The following LGR6 variants were observed in gnomAD, a reference collection of about 807,000 sequenced individuals.
LGR6 encodes leucine-rich repeat-containing G protein-coupled receptor 6.
In LGR6, 45 loss-of-function variants were observed where a neutral mutation model predicts 69.4. The observed-to-expected ratio is 0.65, with a 90% CI of 0.51 to 0.83. LGR6 has a LOEUF of 0.83. Ranked by LOEUF, LGR6 falls within the 40% of genes least tolerant of loss-of-function variation. The pLI, the probability that LGR6 is intolerant of heterozygous loss-of-function variation, is 0.00. For synonymous variants in LGR6, 538 were observed against 555.0 expected, an observed-to-expected ratio of 0.97 and a Z score of 0.43; for missense variants, 1,108 against 1,246.7, an observed-to-expected ratio of 0.89 and a Z score of 1.68.
chr1:202,291,210 T>C (rs1243301844), intron 6 of LGR6, among the ~76,000 whole-genome samples: 1 of 152,232 alleles, frequency 6.6e-6, no homozygotes, highest in East Asian at 1.9e-4. Flanking sequence ...AAGTGGTTTC[T>C]CTTTAACTTC....
chr1:202,277,516 T>G (rs1190285760), intron 5 of LGR6, among the ~76,000 whole-genome samples: 1 of 152,010 alleles, frequency 6.6e-6, no homozygotes, highest in Non-Finnish European at 1.5e-5. Context: ...CTAACTTTGG[T>G]GACATCCCCG....
chr1:202,289,588 C>G (rs1467608787), intron 6 of LGR6, among the ~76,000 whole-genome samples: 3 of 152,184 alleles, frequency 2.0e-5, no homozygotes, highest in Non-Finnish European at 4.4e-5. Context: ...TCAATGGAAG[C>G]TAATGACAGC....
chr1:202,211,798 G>A (rs1232551091), intron 1 of LGR6, among the ~76,000 whole-genome samples: 1 of 152,182 alleles, frequency 6.6e-6, no homozygotes, highest in Non-Finnish European at 1.5e-5. Context: ...AACATCATCA[G>A]CTTTCCAGAA....
At chr1:202,276,110 A>G (rs929756715) in intron 4 of LGR6, among the ~76,000 whole-genome samples, 196 bp from the exon 5 acceptor site, 3 of 152,226 alleles carry the variant, frequency 2.0e-5, no homozygotes, top group African/African-American at 7.2e-5. Flanking sequence ...ACAACAAAAA[A>G]AGAACTATGG....
intron 6 of LGR6, 120 bp downstream of exon 6, chr1:202,280,972 C>G (rs573323143): frequency 4.7e-6 from 4 of 856,742 alleles, no homozygotes; most frequent in Non-Finnish European, 7.2e-6. Flanking sequence ...GGTCTGGCCC[C>G]GGGCTTGTTT....
At chr1:202,219,834 A>T (rs186807362) in intron 1 of LGR6, among the ~76,000 whole-genome samples, 4 of 152,328 alleles carry the variant, frequency 2.6e-5, no homozygotes, top group Admixed American at 2.6e-4. Context: ...GAATATTAAT[A>T]ATAAGGCATA....
intron 4 of LGR6, among the ~76,000 whole-genome samples, chr1:202,245,660 A>AC (rs2077984685): frequency 6.6e-6 from 1 of 152,016 alleles, no homozygotes; most frequent in South Asian, 2.1e-4. Context: ...AGGCAAGAGT[A>AC]CCCCGGGTGT....
chr1:202,272,876 G>GCCTCCTAGCA (rs1665220648), intron 4 of LGR6, among the ~76,000 whole-genome samples: 1 of 152,202 alleles, frequency 6.6e-6, no homozygotes, highest in Non-Finnish European at 1.5e-5. Context: ...CTTCCTGCCT[G>GCCTCCTAGCA]CCTCCTAGCA....
At chr1:202,207,106 C>T (rs967826165) in intron 1 of LGR6, among the ~76,000 whole-genome samples, 26 of 151,950 alleles carry the variant, frequency 1.7e-4, no homozygotes, top group African/African-American at 5.1e-4. Flanking sequence ...TTAGTAGAGA[C>T]GGGTTTTCGC....
chr1:202,311,236 A>G (rs1653696380), intron 16 of LGR6, among the ~76,000 whole-genome samples: 1 of 152,230 alleles, frequency 6.6e-6, no homozygotes, highest in Non-Finnish European at 1.5e-5. Flanking sequence ...AAATATAAAC[A>G]TGTAAGAAAA....
At chr1:202,291,259 G>C (rs1666771392) in intron 6 of LGR6, among the ~76,000 whole-genome samples, 1 of 152,164 alleles carries the variant, frequency 6.6e-6, no homozygotes, top group South Asian at 2.1e-4. Context: ...GGGAGCAGGA[G>C]ACAGAACAAT....
At chr1:202,297,450 G>C in intron 6 of LGR6, 58 bp from the exon 7 acceptor site, 3 of 1,411,810 alleles carry the variant, frequency 2.1e-6, no homozygotes, top group Non-Finnish European at 2.9e-6. Flanking sequence ...ATTTCTCAGG[G>C]ACCCTGACAT....
At chr1:202,197,497 G>A (rs1384054300) in intron 1 of LGR6, 3 of 532,174 alleles carry the variant, frequency 5.6e-6, no homozygotes, top group East Asian at 1.1e-4. Context: ...ATTCTCCCTG[G>A]TTAGGGCCTG....
chr1:202,269,130 T>C (rs1179410655), intron 4 of LGR6, among the ~76,000 whole-genome samples: 1 of 152,108 alleles, frequency 6.6e-6, no homozygotes, highest in Non-Finnish European at 1.5e-5. Context: ...GGTCTCAAAC[T>C]CCTGAGCTCA....
intron 4 of LGR6, among the ~76,000 whole-genome samples, chr1:202,252,391 G>C (rs561921815): frequency 1.3e-5 from 2 of 152,286 alleles, no homozygotes; most frequent in Admixed American, 6.5e-5. Flanking sequence ...GGCCTGCTGG[G>C]GAACACTAAA....
chr1:202,252,031 GT>G (rs1484348536), intron 4 of LGR6, among the ~76,000 whole-genome samples: 4 of 151,974 alleles, frequency 2.6e-5, no homozygotes, highest in Middle Eastern at 3.4e-3. Context: ...GGTGAAGGGG[GT>G]GCCCAGGGCT....
intron 4 of LGR6, among the ~76,000 whole-genome samples, chr1:202,238,282 G>C (rs951900953): frequency 6.6e-6 from 1 of 151,820 alleles, no homozygotes; most frequent in African/African-American, 2.4e-5. Flanking sequence ...TTTTTGTAGA[G>C]ATGGGGTTTT....
At chr1:202,271,426 A>G (rs970119891) in intron 4 of LGR6, among the ~76,000 whole-genome samples, 2 of 152,060 alleles carry the variant, frequency 1.3e-5, no homozygotes, top group African/African-American at 4.8e-5. Context: ...AGATAGTAAG[A>G]GGGGTTGCTC....
At chr1:202,242,107 G>A (rs565183572) in intron 4 of LGR6, among the ~76,000 whole-genome samples, 1 of 152,202 alleles carries the variant, frequency 6.6e-6, no homozygotes, top group East Asian at 1.9e-4. Flanking sequence ...AAGGAGGAGT[G>A]GCTCCCTCTT....
Sources: gnomAD v4.1 joint callset for allele counts (sites outside exome capture counted in the v4.1 genomes callset) on GRCh38, gnomAD v4.1.1 for gene constraint, MANE v1.5 for transcripts, NCBI Gene and HGNC (gene_info 2026-07-23, HGNC 2026-07-21) for gene names.